The following MAPKBP1 variants were observed in gnomAD, a reference collection of about 807,000 sequenced individuals.
MAPKBP1 encodes the protein mitogen-activated protein kinase-binding protein 1.
Under a neutral mutation model 170.5 loss-of-function variants are expected in MAPKBP1, and 71 were observed. That is an observed-to-expected ratio of 0.42 (90% confidence interval 0.34 to 0.51). MAPKBP1 has a LOEUF of 0.51. Among genes scored for constraint, MAPKBP1 ranks in the 20% least tolerant of loss-of-function variants. The pLI is 0.06. For missense variants in MAPKBP1, 1,598 were observed against 1,933.0 expected (o/e 0.83, Z 3.25); for synonymous variants, 719 against 757.9 (o/e 0.95, Z 0.84).
chr15:41,805,260 C>T (rs947764973), intron 3 of MAPKBP1, among the ~76,000 whole-genome samples: 5 of 152,208 alleles, frequency 3.3e-5, no homozygotes, highest in South Asian at 4.1e-4. Context: ...ATCCCTTGGC[C>T]GTTGTTTCCC....
intron 3 of MAPKBP1, among the ~76,000 whole-genome samples, chr15:41,805,253 C>T (rs1347611345): frequency 1.3e-5 from 2 of 152,184 alleles, no homozygotes; most frequent in Non-Finnish European, 2.9e-5. Flanking sequence ...CTCCTACATC[C>T]CTTGGCCGTT....
In MAPKBP1 at chr15:41,775,171, G is replaced by A; in HGVS notation, c.-105G>A. 1 of 820,794 alleles carries A rather than the reference G, an allele frequency of 1.2e-6. No individual in the cohort carries two copies. The highest frequency in any genetic ancestry group is 2.0e-6 in the Non-Finnish European group (1 of 493,050). The allele number at this position is 820,794 out of a possible 1,614,324, so 50.8% of individuals were successfully genotyped here. A position where few individuals can be genotyped will look rare whatever the true frequency, so the allele number is the denominator to read the frequency against. On this transcript the variant is annotated 5_prime_UTR_variant, in exon 2 of 31. The change creates a new upstream start codon in the 5' untranslated region. Transcript: ENST00000457542. The stretch of plus-strand genomic sequence containing the variant: ...AGGTGGCTTCTGCCATCTCAGGTCA[G>A]TGAGAGGGCATACTGGGAAGCCCTC...
chr15:41,799,433 C>G (rs1223610690), intron 2 of MAPKBP1, among the ~76,000 whole-genome samples: 2 of 152,138 alleles, frequency 1.3e-5, no homozygotes, highest in African/African-American at 4.8e-5. Context: ...TGCCAAAGCA[C>G]AAAGATCAGT....
chr15:41,786,777 A>AAAAAATATATATATATATATATATATAT, intron 2 of MAPKBP1, among the ~76,000 whole-genome samples: 10 of 32,440 alleles, frequency 3.1e-4, no homozygotes, highest in Non-Finnish European at 4.4e-4. Context: ...AAAAAAAAAA[A>AAAAAATATATATATATATATATATATAT]ATATATATAT....
chr15:41,793,865 G>A (rs960364480), intron 2 of MAPKBP1, among the ~76,000 whole-genome samples: 3 of 152,174 alleles, frequency 2.0e-5, no homozygotes. Flanking sequence ...TCACGATGGT[G>A]GTTCTGTGAC....
chr15:41,780,987 T>C (rs759857638), intron 2 of MAPKBP1, among the ~76,000 whole-genome samples: 4 of 152,152 alleles, frequency 2.6e-5, no homozygotes, highest in Non-Finnish European at 5.9e-5. Context: ...GTTTACAGTA[T>C]GGATAGCTCC....
Position 41,820,882 on chromosome 15 carries a change from A to C in MAPKBP1, c.2532A>C (p.Gly844=). 6.2e-7 allele frequency: 1 copy of C among 1,614,054 alleles called. No homozygotes were observed. The highest frequency in any genetic ancestry group is 1.3e-5 in the African/African-American group (1 of 75,012). The change falls in exon 23 of 31, where the codon GGA becomes GGC. Residue 844 remains glycine, a synonymous_variant. Coordinates refer to ENST00000457542, the MANE Select transcript of MAPKBP1 (RefSeq NM_014994.3). ...FLDPAPAANP[G]PRRRGRWVQP... ...ACCCAGCTCCTGCAGCCAACCCAGG[A>C]CCCAGAAGAAGAGGGCGCTGGGTTC... is the stretch of plus-strand genomic sequence containing the variant.
At chr15:41,805,925 A>G (rs2064682416) in intron 3 of MAPKBP1, among the ~76,000 whole-genome samples, 1 of 152,156 alleles carries the variant, frequency 6.6e-6, no homozygotes, top group East Asian at 1.9e-4. Flanking sequence ...TTGAGCATCA[A>G]GGAGTCCTAA....
chr15:41,792,789 C>T (rs1415893392), intron 2 of MAPKBP1, among the ~76,000 whole-genome samples: 1 of 152,198 alleles, frequency 6.6e-6, no homozygotes, highest in Non-Finnish European at 1.5e-5. Context: ...ACTTTATGGA[C>T]AGTAATTTTC....
intron 3 of MAPKBP1, among the ~76,000 whole-genome samples, chr15:41,803,434 A>AAAAAAAAAAAAAAG (rs58804270): frequency 0.026 from 2,373 of 90,700 alleles, 661 homozygotes; most frequent in East Asian, 0.13. Flanking sequence ...AAAAAAAAAA[A>AAAAAAAAAAAAAAG]AGGTTAAGCA....
At chr15:41,824,678 G>A (rs2065060538) in intron 30 of MAPKBP1, 109 bp downstream of exon 30, 12 of 1,094,636 alleles carry the variant, frequency 1.1e-5, no homozygotes, top group Admixed American at 2.1e-5. Flanking sequence ...TGACAGGATG[G>A]CACACTCAAG....
chr15:41,816,784 T>G (rs910182126), intron 13 of MAPKBP1, 126 bp from the exon 14 acceptor site: 2 of 1,478,740 alleles, frequency 1.4e-6, no homozygotes, highest in Admixed American at 3.6e-5. Flanking sequence ...GGAAGACAGC[T>G]CTGTCCTTGC....
intron 2 of MAPKBP1, among the ~76,000 whole-genome samples, chr15:41,791,365 G>A (rs2064392693): frequency 6.6e-6 from 1 of 152,092 alleles, no homozygotes; most frequent in Non-Finnish European, 1.5e-5. Context: ...TATCTCAAGG[G>A]AGCAGCCACT....
intron 2 of MAPKBP1, among the ~76,000 whole-genome samples, chr15:41,782,411 G>A (rs1369272227): frequency 6.6e-6 from 1 of 152,180 alleles, no homozygotes; most frequent in East Asian, 1.9e-4. Flanking sequence ...CAGTTTCTGA[G>A]GGACGTGATG....
At position 41,813,687 on chromosome 15, in the gene MAPKBP1, G is replaced by A. The variant is rs1451298981; in HGVS notation, c.886G>A (p.Val296Met). 5.6e-6 allele frequency: 9 copies of A among 1,613,982 alleles called. No individual in the cohort carries two copies. The highest frequency in any genetic ancestry group is 5.5e-5 in the South Asian group (5 of 91,058). The change falls in exon 9 of 31, where the codon GTG becomes ATG. Residue 296 changes from valine (V) to methionine (M), a missense_variant. This residue lies in a region of MAPKBP1 where 430 missense variants were observed against 617.2 expected (regional missense o/e 0.70). Coordinates refer to ENST00000457542, the MANE Select transcript of MAPKBP1 (RefSeq NM_014994.3). ...CTTCTGTGGCTGTGCTGATGGCACCGTGCGCCTTTTCAACCCCTCTAACCT... is the reference window on the plus strand; with the variant it reads ...CTTCTGTGGCTGTGCTGATGGCACCATGCGCCTTTTCAACCCCTCTAACCT... ...YIFCGCADGTVRLFNPSNLHF... is the reference protein window; with the variant it reads ...YIFCGCADGTMRLFNPSNLHF...
intron 8 of MAPKBP1, 159 bp from the exon 9 acceptor site, chr15:41,813,462 G>A: frequency 1.4e-6 from 2 of 1,410,462 alleles, no homozygotes; most frequent in Non-Finnish European, 2.0e-6. Flanking sequence ...ATCCCTGGCT[G>A]GACAGGGCTG....
intron 2 of MAPKBP1, among the ~76,000 whole-genome samples, chr15:41,799,215 C>T (rs960774492): frequency 9.2e-5 from 14 of 152,024 alleles, no homozygotes; most frequent in East Asian, 3.9e-4. Flanking sequence ...CCCTGAGCAT[C>T]GGTGCTTTGT....
In MAPKBP1 at chr15:41,821,627, A is replaced by C; in HGVS notation, c.2762A>C (p.Tyr921Ser). 6.2e-7 allele frequency: 1 copy of C among 1,613,916 alleles called. No homozygotes were observed. The highest frequency in any genetic ancestry group is 8.5e-7 in the Non-Finnish European group (1 of 1,179,978). Residue 921 changes from tyrosine to serine, a missense_variant, in exon 24 of 31, where the codon TAT becomes TCT. Coordinates refer to ENST00000457542, the MANE Select transcript of MAPKBP1 (RefSeq NM_014994.3). The stretch of plus-strand genomic sequence containing the variant: ...CCTCAGGCTTCCCAACCTTGTTCCT[A>C]TCCCCATATTATCCGATTATTGTCA... ...PRPQASQPCS[Y>S]PHIIRLLSQE...
At chr15:41,806,521 G>C (rs1039877832) in intron 3 of MAPKBP1, among the ~76,000 whole-genome samples, 6 of 152,220 alleles carry the variant, frequency 3.9e-5, no homozygotes, top group African/African-American at 1.4e-4. Flanking sequence ...GTAGCAGCAG[G>C]CCTGGACCTG....
Sources: allele counts gnomAD v4.1 joint callset (sites outside exome capture counted in the v4.1 genomes callset), GRCh38; gene constraint gnomAD v4.1.1; regional missense constraint gnomAD v4.1.1; transcripts MANE v1.5; gene names NCBI Gene and HGNC (gene_info 2026-07-23, HGNC 2026-07-21).